PLAC1: variants seen among roughly 807,000 people sequenced by gnomAD.
PLAC1 encodes the protein placenta associated 1.
For synonymous variants in PLAC1, 68 were observed against 62.1 expected, an observed-to-expected ratio of 1.09 and a Z score of -0.44; for missense variants, 136 against 163.2, an observed-to-expected ratio of 0.83 and a Z score of 0.91.
chrX:134,626,733 T>A (rs2078238613), intron 1 of PLAC1, among the ~76,000 whole-genome samples: 1 of 112,429 alleles, frequency 8.9e-6, no homozygotes, highest in African/African-American at 3.2e-5. Flanking sequence ...CAGACCATTA[T>A]ACTTCATAAT....
intron 1 of PLAC1, among the ~76,000 whole-genome samples, chrX:134,616,654 C>CTA (rs2078183029): frequency 9.1e-6 from 1 of 110,485 alleles, no homozygotes; most frequent in African/African-American, 3.3e-5. Context: ...AAAAACAAAA[C>CTA]AACAAAAAAA....
intron 1 of PLAC1, among the ~76,000 whole-genome samples, chrX:134,740,235 T>G (rs970039833): frequency 2.0e-4 from 21 of 107,685 alleles, no homozygotes; most frequent in Non-Finnish European, 3.6e-4. Context: ...GTGTATCGCT[T>G]GAACCCGGGA....
At chrX:134,757,030 C>A (rs1435569585) in intron 1 of PLAC1, among the ~76,000 whole-genome samples, 2 of 111,460 alleles carry the variant, frequency 1.8e-5, no homozygotes, top group African/African-American at 3.3e-5. Context: ...CCTTTACAGA[C>A]GAATGGATAG....
At chrX:134,702,623 G>C (rs2078587532) in intron 2 of PLAC1, among the ~76,000 whole-genome samples, 1 of 111,780 alleles carries the variant, frequency 8.9e-6, no homozygotes, top group Non-Finnish European at 1.9e-5. Context: ...AGGGGGGCAA[G>C]GGTTGAAAAA....
At chrX:134,672,268 C>T (rs1272865672) in intron 2 of PLAC1, among the ~76,000 whole-genome samples, 1 of 111,202 alleles carries the variant, frequency 9.0e-6, no homozygotes, top group Non-Finnish European at 1.9e-5. Flanking sequence ...TAGATAACCT[C>T]GCAGGGTCCC....
intron 2 of PLAC1, among the ~76,000 whole-genome samples, chrX:134,593,959 G>C (rs1397750323): frequency 9.0e-6 from 1 of 111,440 alleles, no homozygotes; most frequent in African/African-American, 3.3e-5. Context: ...AGTAGTGAAA[G>C]TGCACATCCT....
At chrX:134,624,647 T>C (rs1316132959) in intron 1 of PLAC1, among the ~76,000 whole-genome samples, 1 of 111,547 alleles carries the variant, frequency 9.0e-6, no homozygotes, top group Non-Finnish European at 1.9e-5. Flanking sequence ...CAGGAGTCAA[T>C]ATAGAAAAGC....
chrX:134,577,669 CAG>C (rs750575743), intron 2 of PLAC1, among the ~76,000 whole-genome samples: 1 of 107,745 alleles, frequency 9.3e-6, no homozygotes, highest in Non-Finnish European at 1.9e-5. Context: ...GCCTGGGCAA[CAG>C]AGAGAGAGAC....
intron 2 of PLAC1, among the ~76,000 whole-genome samples, chrX:134,705,342 C>T (rs773718991): frequency 1.0e-5 from 1 of 99,466 alleles, no homozygotes; most frequent in Non-Finnish European, 2.0e-5. Context: ...TGCTTGAACA[C>T]AGGAGGCGGA....
At chrX:134,702,029 G>A (rs1432754137) in intron 2 of PLAC1, among the ~76,000 whole-genome samples, 1 of 111,108 alleles carries the variant, frequency 9.0e-6, no homozygotes, top group Non-Finnish European at 1.9e-5. Flanking sequence ...AAAAACAAAC[G>A]AACACAATGA....
At chrX:134,746,425 A>G (rs2078729325) in intron 1 of PLAC1, among the ~76,000 whole-genome samples, 2 of 111,808 alleles carry the variant, frequency 1.8e-5, no homozygotes, top group African/African-American at 6.5e-5. Flanking sequence ...TTCTGGAGTT[A>G]ACATCAAGGA....
intron 2 of PLAC1, among the ~76,000 whole-genome samples, chrX:134,721,309 A>C (rs751530725): frequency 1.4e-4 from 16 of 112,054 alleles, no homozygotes; most frequent in Non-Finnish European, 2.4e-4. Context: ...ATGGTGGCTC[A>C]CGCCTATAAT....
chrX:134,610,293 TG>T (rs2078146187), intron 1 of PLAC1, among the ~76,000 whole-genome samples: 1 of 111,406 alleles, frequency 9.0e-6, no homozygotes, highest in South Asian at 3.8e-4. Flanking sequence ...ATCTTATTTG[TG>T]GGCAAGATGT....
intron 2 of PLAC1, among the ~76,000 whole-genome samples, chrX:134,583,958 CA>C (rs1164974574): frequency 9.1e-6 from 1 of 109,392 alleles, no homozygotes; most frequent in Non-Finnish European, 1.9e-5. Flanking sequence ...CTGGCTAGCC[CA>C]GGCCCATGCC....
Position 134,692,103 on chromosome X carries a change from G to A in PLAC1, n.174+41332C>T, listed in dbSNP as rs17000693. On this transcript the variant is annotated intron_variant and non_coding_transcript_variant, in intron 2 of 2. Coordinates refer to the PLAC1 transcript ENST00000466797. Reference sequence around the variant, plus strand: ...TCATTTGATGAGCATTTGGGAAGACGGATGGTGACAGGCATGGAGTTGTGG... The same window carrying A: ...TCATTTGATGAGCATTTGGGAAGACAGATGGTGACAGGCATGGAGTTGTGG... Among the ~76,000 whole-genome samples the A allele has an allele frequency of 8.7e-3, 978 of 111,990 alleles. 18 individuals are homozygous for A. Among genetic ancestry groups the A allele is most frequent in the African/African-American group, 0.03 (914 of 30,813 alleles).
intron 1 of PLAC1, among the ~76,000 whole-genome samples, chrX:134,756,062 A>C (rs2089912306): frequency 9.3e-6 from 1 of 107,839 alleles, no homozygotes; most frequent in Non-Finnish European, 1.9e-5. Flanking sequence ...CGTGTTAGCC[A>C]GGATGGTCTC....
At chrX:134,685,415 T>C (rs780901824) in intron 2 of PLAC1, among the ~76,000 whole-genome samples, 41 of 107,970 alleles carry the variant, frequency 3.8e-4, no homozygotes, top group African/African-American at 1.3e-3. Context: ...CATGGAAATA[T>C]ATGGAATACA....
At chrX:134,742,500 A>C (rs1443064680) in intron 1 of PLAC1, among the ~76,000 whole-genome samples, 1 of 111,786 alleles carries the variant, frequency 8.9e-6, no homozygotes, top group Non-Finnish European at 1.9e-5. Context: ...AGGCAGGCGA[A>C]TCACTTGAAC....
chrX:134,703,410 G>C (rs993150633), intron 2 of PLAC1, among the ~76,000 whole-genome samples: 1 of 111,415 alleles, frequency 9.0e-6, no homozygotes, highest in Non-Finnish European at 1.9e-5. Context: ...AAAGTTGAGG[G>C]AAAATACCCA....
Sources: gnomAD v4.1 joint callset for allele counts (sites outside exome capture counted in the v4.1 genomes callset) on GRCh38, gnomAD v4.1.1 for gene constraint, MANE v1.5 for transcripts, NCBI Gene and HGNC (gene_info 2026-07-23, HGNC 2026-07-21) for gene names.